The following UNC13C variants were observed in gnomAD, a reference collection of about 807,000 sequenced individuals.
The protein encoded by UNC13C is protein unc-13 homolog C.
A neutral mutation model predicts 245.4 loss-of-function variants in UNC13C; 174 were observed. The ratio of observed to expected loss-of-function variants is 0.71; its 90% confidence interval spans 0.63 to 0.80. UNC13C has a LOEUF of 0.80. Among genes scored for constraint, UNC13C ranks in the 30% least tolerant of loss-of-function variants. The probability of loss-of-function intolerance (pLI) is 0.00; values close to 1 mark genes in which losing one functional copy is unlikely to be tolerated. For missense variants in UNC13C, 2,829 were observed against 2,602.9 expected (o/e 1.09, Z -1.89); for synonymous variants, 992 against 895.1 (o/e 1.11, Z -1.93).
chr15:54,221,378 G>A (rs1331967561), intron 4 of UNC13C, among the ~76,000 whole-genome samples: 1 of 151,878 alleles, frequency 6.6e-6, no homozygotes, highest in African/African-American at 2.4e-5. Flanking sequence ...ATTCAGTGTT[G>A]ACAATAATTG....
the UNC13C span, among the ~76,000 whole-genome samples, chr15:53,929,404 G>GA: frequency 6.6e-6 from 1 of 152,064 alleles, no homozygotes; most frequent in Middle Eastern, 3.4e-3. Context: ...ATGCCACTAA[G>GA]AAAAAATGAT....
chr15:53,854,122 GT>G, the UNC13C span, among the ~76,000 whole-genome samples: 199 of 133,556 alleles, frequency 1.5e-3, 1 homozygote, highest in African/African-American at 2.6e-3. Context: ...GTTTTTATAG[GT>G]TTTTTTTTTT....
intron 13 of UNC13C, among the ~76,000 whole-genome samples, chr15:54,312,141 AT>A (rs1316446714): frequency 6.6e-6 from 1 of 151,786 alleles, no homozygotes; most frequent in Non-Finnish European, 1.5e-5. Flanking sequence ...CTATGATCAT[AT>A]TCAGCAGTAT....
chr15:54,066,149 A>G (rs1398721558), intron 2 of UNC13C, among the ~76,000 whole-genome samples: 1 of 152,236 alleles, frequency 6.6e-6, no homozygotes, highest in Admixed American at 6.5e-5. Flanking sequence ...GGAATAGTTT[A>G]TCTCACTTTT....
At chr15:54,438,522 G>T (rs779442614) in intron 19 of UNC13C, among the ~76,000 whole-genome samples, 16 of 151,902 alleles carry the variant, frequency 1.1e-4, no homozygotes, top group African/African-American at 2.2e-4. Context: ...CTTAGTTCCT[G>T]GTTACATATA....
chr15:53,928,100 G>A, the UNC13C span, among the ~76,000 whole-genome samples: 54 of 148,172 alleles, frequency 3.6e-4, no homozygotes, highest in African/African-American at 9.4e-4. Flanking sequence ...ACCCAGTGGC[G>A]CTAGAGGAAT....
chr15:54,170,904 C>G (rs146837621), intron 4 of UNC13C, among the ~76,000 whole-genome samples: 1 of 152,068 alleles, frequency 6.6e-6, no homozygotes, highest in Non-Finnish European at 1.5e-5. Flanking sequence ...TGAGAGTCTG[C>G]GCAAGACTCA....
At chr15:53,951,479 G>GGTGAC in the UNC13C span, among the ~76,000 whole-genome samples, 1 of 152,162 alleles carries the variant, frequency 6.6e-6, no homozygotes, top group African/African-American at 2.4e-5. Flanking sequence ...TAATTATTGT[G>GGTGAC]GTGACCCCTT....
intron 19 of UNC13C, among the ~76,000 whole-genome samples, chr15:54,488,470 G>T (rs997434678): frequency 2.0e-5 from 3 of 152,144 alleles, no homozygotes; most frequent in Non-Finnish European, 4.4e-5. Flanking sequence ...GCAATAAAAT[G>T]ATGTCACAAA....
At chr15:54,041,979 T>C (rs1896824323) in intron 2 of UNC13C, among the ~76,000 whole-genome samples, 1 of 152,208 alleles carries the variant, frequency 6.6e-6, no homozygotes, top group African/African-American at 2.4e-5. Flanking sequence ...CAACTTAGCA[T>C]GATGGTGCTG....
chr15:54,036,332 G>A (rs1280195353), intron 2 of UNC13C, among the ~76,000 whole-genome samples: 1 of 152,142 alleles, frequency 6.6e-6, no homozygotes, highest in Non-Finnish European at 1.5e-5. Context: ...TAGTGCCCAG[G>A]GCAGCCCACA....
At chr15:54,102,568 A>C (rs532531237) in intron 2 of UNC13C, among the ~76,000 whole-genome samples, 1 of 152,216 alleles carries the variant, frequency 6.6e-6, no homozygotes. Flanking sequence ...CGTGTTTTAT[A>C]GGATGCAAGA....
intron 4 of UNC13C, among the ~76,000 whole-genome samples, chr15:54,187,805 G>T (rs946419544): frequency 6.6e-6 from 1 of 151,652 alleles, no homozygotes; most frequent in Non-Finnish European, 1.5e-5. Flanking sequence ...TGTATGTTTT[G>T]TTTTTTTGTT....
chr15:54,014,286 T>C lies in UNC13C; in HGVS notation c.1383T>C (p.Asn461=), dbSNP rs1895531814. 1.9e-6 allele frequency: 3 copies of C among 1,613,908 alleles called. No homozygotes were observed. The highest frequency in any genetic ancestry group is 1.1e-5 in the South Asian group (1 of 91,068). The change falls in exon 2 of 33, where the codon AAT becomes AAC. Residue 461 remains asparagine (N), a synonymous_variant. Transcript: ENST00000260323. ...ATGAAGATCTTGAATCTGACCTCAA[T>C]AGAAACAGTTACGCTGTGCTTTCCA... ...DSDEDLESDL[N]RNSYAVLSKS...
chr15:54,271,251 T>G (rs2036680767), intron 10 of UNC13C, among the ~76,000 whole-genome samples: 1 of 152,134 alleles, frequency 6.6e-6, no homozygotes, highest in Admixed American at 6.5e-5. Context: ...TCCTAAAATA[T>G]CACGTGAAGA....
chr15:54,611,442 A>G (rs1390799234), intron 30 of UNC13C: 3 of 152,176 alleles, frequency 2.0e-5, no homozygotes, highest in African/African-American at 4.8e-5. Context: ...ATGCTTGAAG[A>G]GAAAAGTAAG....
At chr15:53,942,751 A>G in the UNC13C span, among the ~76,000 whole-genome samples, 1 of 151,842 alleles carries the variant, frequency 6.6e-6, no homozygotes, top group Non-Finnish European at 1.5e-5. Context: ...GCAACTTCCA[A>G]CTCCTGGTTC....
intron 19 of UNC13C, among the ~76,000 whole-genome samples, chr15:54,445,439 T>A (rs1442773731): frequency 6.6e-6 from 1 of 152,194 alleles, no homozygotes; most frequent in African/African-American, 2.4e-5. Context: ...GTGTTCCTAT[T>A]TCTCCACATC....
At chr15:54,553,805 A>C (rs1896975748) in intron 28 of UNC13C, among the ~76,000 whole-genome samples, 1 of 151,072 alleles carries the variant, frequency 6.6e-6, no homozygotes, top group Non-Finnish European at 1.5e-5. Context: ...TCTGTTAGAA[A>C]ATAATGTGAC....
Sources: gnomAD v4.1 joint callset for allele counts (sites outside exome capture counted in the v4.1 genomes callset) on GRCh38, gnomAD v4.1.1 for gene constraint, MANE v1.5 for transcripts, NCBI Gene and HGNC (gene_info 2026-07-23, HGNC 2026-07-21) for gene names.